Variants in POLB observed in about 807,000 individuals in gnomAD.
POLB encodes the protein 5'-dRP lyase.
POLB carries 37 observed loss-of-function variants against 52.7 expected under a neutral mutation model. The ratio of observed to expected loss-of-function variants is 0.70; its 90% CI spans 0.54 to 0.92. The LOEUF is 0.92. Among genes scored for constraint, POLB ranks in the 40% least tolerant of loss-of-function variants. The probability of loss-of-function intolerance (pLI) is 0.00; values close to 1 mark genes in which losing one functional copy is unlikely to be tolerated. For synonymous variants in POLB, 138 were observed against 131.3 expected (o/e 1.05, Z -0.35); for missense variants, 313 against 400.8 (o/e 0.78, Z 1.87).
chr8:42,356,940 A>C (rs953119827), intron 7 of POLB, among the ~76,000 whole-genome samples: 1 of 152,164 alleles, frequency 6.6e-6, no homozygotes, highest in African/African-American at 2.4e-5. Flanking sequence ...AGCCTTTGAA[A>C]TATTACAAAG....
chr8:42,349,111 C>T (rs755858327), intron 4 of POLB, 21 bp downstream of exon 4: 3 of 1,392,660 alleles, frequency 2.2e-6, no homozygotes, highest in African/African-American at 2.8e-5. Context: ...AACTTGTTTA[C>T]TTCATTAATT....
At chr8:42,361,541 T>C in intron 10 of POLB, 176 bp downstream of exon 10, 1 of 596,924 alleles carries the variant, frequency 1.7e-6, no homozygotes, top group South Asian at 2.0e-5. Flanking sequence ...GGATACCTAT[T>C]ATTCTTCCAT....
In POLB at chr8:42,371,618, C is replaced by T. The variant is rs1392533842; in HGVS notation, c.969C>T (p.Ile323=). ...VDSEKDIFDY[I]QWKYREPKDR... ...GTGAAAAAGACATCTTTGATTACATCCAGTGGAAATACCGGGAACCCAAGG... is the reference window on the plus strand; with the variant it reads ...GTGAAAAAGACATCTTTGATTACATTCAGTGGAAATACCGGGAACCCAAGG... Residue 323 remains isoleucine, a synonymous_variant, in exon 14 of 14, where the codon ATC becomes ATT. Coordinates refer to ENST00000265421, the MANE Select transcript of POLB (RefSeq NM_002690.3). The T allele has an allele frequency of 1.5e-5, 24 of 1,613,060 alleles. No homozygotes were observed. Among genetic ancestry groups the T allele is most frequent in the Non-Finnish European group, 2.0e-5 (24 of 1,179,134 alleles).
At position 42,338,513 on chromosome 8, in the gene POLB, C is replaced by G. The variant is rs761986409; in HGVS notation, c.-112C>G. ...GCAACCATTGTTCCGCCGGTCGCGC[C>G]GGAGCTGGGTTGCTCCTGCTCCCGT... On this transcript the variant is annotated 5_prime_UTR_variant, in exon 1 of 14. Coordinates refer to ENST00000265421, the MANE Select transcript of POLB (RefSeq NM_002690.3). 1.8e-5 allele frequency: 17 copies of G among 921,734 alleles called. No homozygotes were observed. The highest frequency in any genetic ancestry group is 1.7e-4 in the East Asian group (7 of 40,848). The allele number at this position is 921,734 out of a possible 1,614,324, so 57.1% of individuals were successfully genotyped here.
At chr8:42,357,271 T>G (rs1563400898) in intron 8 of POLB, 48 bp downstream of exon 8, 1 of 1,428,118 alleles carries the variant, frequency 7.0e-7, no homozygotes, top group Admixed American at 1.7e-5. Flanking sequence ...AGAGTGTCAC[T>G]TGGTGAAAAG....
intron 13 of POLB, 67 bp from the exon 14 acceptor site, chr8:42,371,496 C>A: frequency 1.3e-6 from 1 of 791,120 alleles, no homozygotes; most frequent in Non-Finnish European, 2.0e-6. Context: ...AGCTCTTAAT[C>A]TTGAACCCTC....
chr8:42,344,954 A>G lies in POLB; in HGVS notation c.121A>G (p.Lys41Glu). 1 of 1,590,552 alleles carries G rather than the reference A, an allele frequency of 6.3e-7. No homozygotes were observed. The highest frequency in any genetic ancestry group is 8.6e-7 in the Non-Finnish European group (1 of 1,158,954). Residue 41 changes from lysine to glutamate, a missense_variant and splice_region_variant, in exon 3 of 14, where the codon AAA becomes GAA. Physicochemically the swap from Lys to Glu is moderately conservative, Grantham distance 56. Around this residue, in one of 3 missense-constraint regions of POLB, gnomAD observed 54 missense variants for 63.4 expected, o/e 0.85. Coordinates refer to ENST00000265421, the MANE Select transcript of POLB (RefSeq NM_002690.3). ...QAIHKYNAYR[K>E]AASVIAKYPH... is the part of the protein sequence containing the mutation. Reference sequence around the variant, plus strand: ...TTTCCTTTTCTTCTTTCCTTATAGAAAAGCAGCATCTGTTATAGCAAAATA... The same window carrying G: ...TTTCCTTTTCTTCTTTCCTTATAGAGAAGCAGCATCTGTTATAGCAAAATA...
At chr8:42,353,037 G>C (rs1025945143) in intron 6 of POLB, among the ~76,000 whole-genome samples, 1 of 150,884 alleles carries the variant, frequency 6.6e-6, no homozygotes. Context: ...TGGTGCCACT[G>C]CACTCCAGCC....
intron 4 of POLB, 30 bp from the exon 5 acceptor site, chr8:42,349,977 A>G: frequency 2.0e-6 from 3 of 1,491,708 alleles, no homozygotes; most frequent in Non-Finnish European, 2.8e-6. Flanking sequence ...GCATTCCTAA[A>G]TCATTGTTAG....
At chr8:42,352,090 C>T (rs1188618402) in intron 5 of POLB, among the ~76,000 whole-genome samples, 1 of 152,204 alleles carries the variant, frequency 6.6e-6, no homozygotes, top group Non-Finnish European at 1.5e-5. Flanking sequence ...CCCAGCCATT[C>T]TGTCATATTC....
chr8:42,370,229 C>G (rs1483106882), intron 13 of POLB: 1 of 573,934 alleles, frequency 1.7e-6, no homozygotes, highest in Non-Finnish European at 3.3e-6. Context: ...TCCTTGCATG[C>G]TCAGTAAAAT....
At chr8:42,360,082 AG>A (rs1823580311) in intron 9 of POLB, among the ~76,000 whole-genome samples, 2 of 150,530 alleles carry the variant, frequency 1.3e-5, no homozygotes, top group East Asian at 2.0e-4. Flanking sequence ...TGAGTAGCTG[AG>A]GTTACAGGCA....
intron 1 of POLB, 26 bp from the exon 2 acceptor site, chr8:42,338,986 C>A: frequency 6.2e-7 from 1 of 1,604,694 alleles, no homozygotes; most frequent in Non-Finnish European, 8.5e-7. Context: ...GGTTCTTGTT[C>A]ACCCGAGCCT....
At chr8:42,367,145 A>G (rs1203808325) in intron 11 of POLB, among the ~76,000 whole-genome samples, 2 of 152,244 alleles carry the variant, frequency 1.3e-5, no homozygotes, top group Non-Finnish European at 2.9e-5. Flanking sequence ...CATGTCCTCC[A>G]TTCCAGGCAC....
intron 13 of POLB, 118 bp downstream of exon 13, chr8:42,370,106 AT>A: frequency 1.2e-6 from 1 of 804,136 alleles, no homozygotes; most frequent in Non-Finnish European, 2.1e-6. Flanking sequence ...GTTTCTTTGT[AT>A]TTTTAGTCCT....
intron 9 of POLB, among the ~76,000 whole-genome samples, chr8:42,359,249 C>T (rs1490525064): frequency 2.0e-5 from 3 of 152,136 alleles, no homozygotes; most frequent in African/African-American, 7.2e-5. Context: ...TCTTCTCTCC[C>T]TTTCTTTCAT....
intron 6 of POLB, 59 bp from the exon 7 acceptor site, chr8:42,355,457 C>A: frequency 1.1e-6 from 1 of 937,284 alleles, no homozygotes; most frequent in Non-Finnish European, 1.7e-6. Context: ...TTGAGTTTAG[C>A]ATTTTCCCCC....
At chr8:42,341,968 C>T in intron 2 of POLB, 1 of 729,884 alleles carries the variant, frequency 1.4e-6, no homozygotes, top group Non-Finnish European at 2.5e-6. Context: ...TTATGCTATT[C>T]TTTATGTATT....
chr8:42,369,031 C>CA (rs1824212584), intron 11 of POLB: 2 of 320,252 alleles, frequency 6.2e-6, no homozygotes, highest in Non-Finnish European at 5.7e-6. Flanking sequence ...TAGAATCACA[C>CA]AAAGACCAAA....
Sources: gnomAD v4.1 joint callset for allele counts (sites outside exome capture counted in the v4.1 genomes callset) on GRCh38, gnomAD v4.1.1 for gene constraint, gnomAD v4.1.1 regional missense constraint, MANE v1.5 for transcripts, NCBI Gene and HGNC (gene_info 2026-07-23, HGNC 2026-07-21) for gene names.